HECA: variants seen among roughly 807,000 people sequenced by gnomAD.
HECA encodes HECA ribonucleoprotein granule regulator, also known as headcase protein homolog.
Under a neutral mutation model 37.6 loss-of-function variants are expected in HECA, and 13 were observed. The ratio of observed to expected loss-of-function variants is 0.35; its 90% CI spans 0.23 to 0.55. The LOEUF (loss-of-function observed/expected upper bound fraction) is 0.55. HECA is among the 20% of genes least tolerant of loss of function. HECA has a pLI of 0.90. For synonymous variants in HECA, 307 were observed against 291.5 expected, an observed-to-expected ratio of 1.05 and a Z score of -0.54; for missense variants, 527 against 701.9, an observed-to-expected ratio of 0.75 and a Z score of 2.82.
At chr6:139,165,758 C>T (rs1425296482) in intron 1 of HECA, among the ~76,000 whole-genome samples, 1 of 151,674 alleles carries the variant, frequency 6.6e-6, no homozygotes, top group African/African-American at 2.4e-5. Context: ...CTTTCTGTCA[C>T]CATGTTTTCT....
chr6:139,142,805 G>A (rs1466073761), intron 1 of HECA, among the ~76,000 whole-genome samples: 1 of 152,090 alleles, frequency 6.6e-6, no homozygotes, highest in East Asian at 1.9e-4. Flanking sequence ...AAAATTAGCT[G>A]GGCATGGTGG....
Position 139,179,341 on chromosome 6 carries a change from A to G in HECA, c.*2236A>G, listed in dbSNP as rs1003363703. On this transcript the variant is annotated 3_prime_UTR_variant, in exon 4 of 4. Transcript: ENST00000367658. ...AACCTGCTTTATATTGTTGTTCTGA[A>G]GCTTACAATTGACCTATACATTGCA... 2.6e-5 allele frequency: 4 copies of G among 152,180 alleles called. No individual in the cohort carries two copies. The allele number at this position is 152,180 out of a possible 1,614,324, so 9.4% of individuals were successfully genotyped here. A position where few individuals can be genotyped will look rare whatever the true frequency, so the allele number is the denominator to read the frequency against.
chr6:139,179,977 A>T lies in HECA; in HGVS notation c.*2872A>T, dbSNP rs1264764733. On this transcript the variant is annotated 3_prime_UTR_variant, in exon 4 of 4. Coordinates refer to ENST00000367658, the MANE Select transcript of HECA (RefSeq NM_016217.3). ...GCAGATACAATGATCTGCTTTAGTGAGAGGACAATTTCTGATTGATTGTTT... is the reference window on the plus strand; with the variant it reads ...GCAGATACAATGATCTGCTTTAGTGTGAGGACAATTTCTGATTGATTGTTT... 1 of 152,192 alleles carries T rather than the reference A, an allele frequency of 6.6e-6. No homozygotes were observed. Among genetic ancestry groups the T allele is most frequent in the African/African-American group, 2.4e-5 (1 of 41,448 alleles). The allele number at this position is 152,192 out of a possible 1,614,324, so 9.4% of individuals were successfully genotyped here.
chr6:139,169,315 CTTTA>C (rs1157702786), intron 2 of HECA, among the ~76,000 whole-genome samples: 5 of 151,810 alleles, frequency 3.3e-5, no homozygotes, highest in African/African-American at 1.2e-4. Flanking sequence ...CTATTCATCT[CTTTA>C]TTCTGCTTTA....
At chr6:139,163,352 CTTTTTTTTTT>C (rs60943037) in intron 1 of HECA, among the ~76,000 whole-genome samples, 8 of 142,458 alleles carry the variant, frequency 5.6e-5, no homozygotes, top group Middle Eastern at 3.6e-3. Context: ...GTTCTCCATT[CTTTTTTTTTT>C]TTTTTTTTTT....
intron 1 of HECA, among the ~76,000 whole-genome samples, chr6:139,164,765 C>T (rs1774858470): frequency 6.6e-6 from 1 of 152,080 alleles, no homozygotes; most frequent in African/African-American, 2.4e-5. Context: ...GTCATCCCAG[C>T]CTGTAAGCCA....
At chr6:139,142,780 T>C (rs1325647623) in intron 1 of HECA, among the ~76,000 whole-genome samples, 1 of 152,142 alleles carries the variant, frequency 6.6e-6, no homozygotes, top group African/African-American at 2.4e-5. Context: ...ACCCTGTTTC[T>C]CTACTAAAAA....
chr6:139,144,348 A>G (rs1774553768), intron 1 of HECA: 1 of 152,264 alleles, frequency 6.6e-6, no homozygotes, highest in African/African-American at 2.4e-5. Context: ...GAGCCATGAT[A>G]ATGTACTGTG....
intron 1 of HECA, among the ~76,000 whole-genome samples, chr6:139,136,886 G>A (rs190975372): frequency 4.5e-4 from 69 of 151,944 alleles, no homozygotes; most frequent in African/African-American, 1.7e-3. Flanking sequence ...CGCCCGTCTC[G>A]GCCTCCCAAA....
At chr6:139,154,611 G>A (rs1774691103) in intron 1 of HECA, among the ~76,000 whole-genome samples, 1 of 152,242 alleles carries the variant, frequency 6.6e-6, no homozygotes, top group Non-Finnish European at 1.5e-5. Context: ...CTGTTGGGCA[G>A]ACAAGGGAAG....
rs756285622 is a variant in HECA, at chr6:139,167,302, T to C, written c.1290T>C (p.Tyr430=). The change falls in exon 2 of 4, where the codon TAT becomes TAC. Residue 430 remains tyrosine, a synonymous_variant. Transcript: ENST00000367658. ...CGTCGAGACATGATGAGATCGAATA[T>C]GATGTTCCTTGTCACCTTCAAGGTA... The part of the protein sequence containing the change: ...LSPSRHDEIE[Y]DVPCHLQGRL... The C allele has an allele frequency of 1.3e-6, 2 of 1,597,854 alleles. No homozygotes were observed. Among genetic ancestry groups the C allele is most frequent in the Non-Finnish European group, 1.7e-6 (2 of 1,166,792 alleles).
At chr6:139,149,145 C>T (rs1438150360) in intron 1 of HECA, among the ~76,000 whole-genome samples, 7 of 152,112 alleles carry the variant, frequency 4.6e-5, no homozygotes, top group East Asian at 3.9e-4. Flanking sequence ...ACATAGCACT[C>T]GATTGAACCA....
chr6:139,166,376 C>T lies in HECA; in HGVS notation c.364C>T (p.His122Tyr), dbSNP rs778003749. The change falls in exon 2 of 4, where the codon CAC becomes TAC. Residue 122 changes from histidine (H) to tyrosine (Y), a missense_variant. By Grantham distance (83) the His-to-Tyr change is moderately conservative (BLOSUM62 2). Around this residue, in one of 4 missense-constraint regions of HECA, gnomAD observed 172 missense variants for 197.6 expected, o/e 0.87. Coordinates refer to ENST00000367658, the MANE Select transcript of HECA (RefSeq NM_016217.3). ...DYQKVVCNNEHCPCSTWMHLQ... is the reference protein window; with the variant it reads ...DYQKVVCNNEYCPCSTWMHLQ... ...CCAGAAGGTGGTGTGCAACAACGAG[C>T]ACTGCCCCTGCAGCACCTGGATGCA... 1 of 1,614,196 alleles carries T rather than the reference C, an allele frequency of 6.2e-7. No individual in the cohort carries two copies. The highest frequency in any genetic ancestry group is 1.1e-5 in the South Asian group (1 of 91,070).
At chr6:139,175,045 C>G (rs1424122025) in intron 3 of HECA, among the ~76,000 whole-genome samples, 1 of 152,158 alleles carries the variant, frequency 6.6e-6, no homozygotes, top group Non-Finnish European at 1.5e-5. Context: ...CCAGGAATTG[C>G]ATGCCTTGTA....
At chr6:139,139,817 C>A (rs144392619) in intron 1 of HECA, among the ~76,000 whole-genome samples, 35 of 152,360 alleles carry the variant, frequency 2.3e-4, no homozygotes, top group Non-Finnish European at 4.4e-4. Context: ...AGGGACTCTG[C>A]TGAGAAGCTT....
chr6:139,147,415 C>A (rs551422570), intron 1 of HECA, among the ~76,000 whole-genome samples: 3 of 152,016 alleles, frequency 2.0e-5, no homozygotes, highest in Non-Finnish European at 2.9e-5. Flanking sequence ...CACTTGAGTC[C>A]AGGAGTTCGA....
At chr6:139,139,096 C>T (rs1774484433) in intron 1 of HECA, among the ~76,000 whole-genome samples, 1 of 152,166 alleles carries the variant, frequency 6.6e-6, no homozygotes, top group Non-Finnish European at 1.5e-5. Flanking sequence ...TATTGGATGA[C>T]CATGGTTCAT....
In HECA at chr6:139,176,941, G is replaced by A; in HGVS notation, c.1468G>A (p.Ala490Thr). Residue 490 changes from alanine to threonine, a missense_variant and splice_region_variant, in exon 4 of 4, where the codon GCC becomes ACC. This residue lies in a region of HECA where 106 missense variants were observed against 193.4 expected (regional missense o/e 0.55). Coordinates refer to ENST00000367658, the MANE Select transcript of HECA (RefSeq NM_016217.3). The surrounding 1 kb of genome is among the most constrained non-coding windows in gnomAD (Gnocchi z 4.5). The part of the protein sequence containing the change: ...DILAASPCCQ[A>T]RLNCKHCGKP... ...GGCTGATGGTGTCTGTTTCCCCCAGGCCCGCCTGAACTGTAAGCACTGTGG... is the reference window on the plus strand; with the variant it reads ...GGCTGATGGTGTCTGTTTCCCCCAGACCCGCCTGAACTGTAAGCACTGTGG... 1 of 870,298 alleles carries A rather than the reference G, an allele frequency of 1.1e-6. No individual in the cohort carries two copies. The highest frequency in any genetic ancestry group is 2.0e-6 in the Non-Finnish European group (1 of 499,770). The allele number at this position is 870,298 out of a possible 1,614,324, so 53.9% of individuals were successfully genotyped here.
Position 139,176,248 on chromosome 6 carries a change from T to C in HECA, c.1468-693T>C, listed in dbSNP as rs1470653528. ...TGGTGCTTTATCACATGTGCCTCAG[T>C]TGCATTATCTAAAAGTCAGCTAATA... is the stretch of plus-strand genomic sequence containing the variant. On this transcript the variant is annotated intron_variant, in intron 3 of 3. Transcript: ENST00000367658. The surrounding 1 kb of genome is among the most constrained non-coding windows in gnomAD (Gnocchi z 4.5). Among the ~76,000 whole-genome samples, 1 of 152,220 alleles carries C rather than the reference T, an allele frequency of 6.6e-6. No homozygotes were observed. Among genetic ancestry groups the C allele is most frequent in the East Asian group, 1.9e-4 (1 of 5,198 alleles).
Sources: gnomAD v4.1 joint callset for allele counts (sites outside exome capture counted in the v4.1 genomes callset) on GRCh38, gnomAD v4.1.1 for gene constraint, gnomAD v4.1.1 regional missense constraint, Gnocchi (gnomAD v3.1) non-coding constraint, MANE v1.5 for transcripts, NCBI Gene and HGNC (gene_info 2026-07-23, HGNC 2026-07-21) for gene names.